The following ERBIN variants were observed in gnomAD, a reference collection of about 807,000 sequenced individuals.
The protein encoded by ERBIN is erbb2 interacting protein, also known as densin-180-like protein.
ERBIN carries 60 observed loss-of-function variants against 158.4 expected under a neutral mutation model. The observed-to-expected ratio is 0.38, with a 90% CI of 0.31 to 0.47. The LOEUF (loss-of-function observed/expected upper bound fraction) is 0.47, where lower values mean the gene tolerates loss of function less well. Ranked by LOEUF, ERBIN falls within the 20% of genes least tolerant of loss-of-function variation. The pLI is 0.99. For synonymous variants in ERBIN, 594 were observed against 557.2 expected (o/e 1.07, Z -0.93); for missense variants, 1,610 against 1,648.0 (o/e 0.98, Z 0.40).
chr5:66,029,990 A>T (rs1293137594), intron 14 of ERBIN, among the ~76,000 whole-genome samples: 1 of 152,078 alleles, frequency 6.6e-6, no homozygotes, highest in Admixed American at 6.5e-5. Context: ...CTGCTTTGCA[A>T]ATTTAGAGAG....
rs869119758 is a variant in ERBIN, at chr5:66,050,226, CTTTTTTTTTTTTTTTTTTTTT to C, written c.1904-541_1904-521del. Among the ~76,000 whole-genome samples, 4 of 9,738 alleles carry C rather than the reference CTTTTTTTTTTTTTTTTTTTTT, an allele frequency of 4.1e-4. 1 individual carries two copies. The highest frequency in any genetic ancestry group is 1.1e-3 in the Admixed American group (1 of 880). The allele number at this position is 9,738 out of a possible 152,430, so 6.4% of individuals were successfully genotyped here. A position where few individuals can be genotyped will look rare whatever the true frequency, so the allele number is the denominator to read the frequency against. On this transcript the variant is annotated intron_variant, in intron 19 of 25. Coordinates refer to ENST00000284037, the MANE Select transcript of ERBIN (RefSeq NM_001253697.2). ...ACCTTGTCAGTAACTAAATCGAATT[CTTTTTTTTTTTTTTTTTTTTT>C]TTTTTTTTTTTTTTTGAGACGGAGT...
At position 65,992,748 on chromosome 5, in the gene ERBIN, G is replaced by A. The variant is rs771404504; in HGVS notation, c.30G>A (p.Arg10=). The A allele has an allele frequency of 3.1e-6, 5 of 1,607,454 alleles. No individual in the cohort carries two copies. The highest frequency in any genetic ancestry group is 2.2e-5 in the East Asian group (1 of 44,764). The change falls in exon 3 of 26, where the codon CGG becomes CGA. Residue 10 remains arginine (R), a synonymous_variant. Coordinates refer to ENST00000284037, the MANE Select transcript of ERBIN (RefSeq NM_001253697.2). ...CTACAAAACGAAGTTTGTTTGTGCGGTTGGTACCATGTCGCTGTCTACGAG... is the reference window on the plus strand; with the variant it reads ...CTACAAAACGAAGTTTGTTTGTGCGATTGGTACCATGTCGCTGTCTACGAG... MTTKRSLFV[R]LVPCRCLRGE... is the part of the protein sequence containing the mutation.
At chr5:65,989,811 C>T (rs953615044) in intron 2 of ERBIN, among the ~76,000 whole-genome samples, 1 of 152,178 alleles carries the variant, frequency 6.6e-6, no homozygotes, top group African/African-American at 2.4e-5. Flanking sequence ...TGTCTAGTGG[C>T]TACCATACTG....
At chr5:66,067,868 C>A (rs2151289057) in intron 21 of ERBIN, among the ~76,000 whole-genome samples, 1 of 152,210 alleles carries the variant, frequency 6.6e-6, no homozygotes, top group South Asian at 2.1e-4. Flanking sequence ...CCCAGCTACT[C>A]AGGAGCCTGA....
chr5:66,077,791 C>CACACACACAT (rs1762135283), intron 25 of ERBIN, among the ~76,000 whole-genome samples: 2 of 131,044 alleles, frequency 1.5e-5, no homozygotes, highest in East Asian at 2.0e-4. Flanking sequence ...CACACACACA[C>CACACACACAT]ACATACACAC....
intron 1 of ERBIN, among the ~76,000 whole-genome samples, chr5:65,982,151 T>G (rs1750728923): frequency 6.6e-6 from 1 of 152,234 alleles, no homozygotes; most frequent in South Asian, 2.1e-4. Flanking sequence ...CTTGTGTCAG[T>G]TCTTTGAGCC....
At chr5:65,930,821 A>G (rs866299427) in intron 1 of ERBIN, among the ~76,000 whole-genome samples, 3 of 152,182 alleles carry the variant, frequency 2.0e-5, no homozygotes, top group South Asian at 2.1e-4. Context: ...CTTCTGTCCT[A>G]CCTTTCAAGT....
chr5:66,050,851 TG>T lies in ERBIN; in HGVS notation c.1973del (p.Cys658PhefsTer27). On this transcript the variant is annotated frameshift_variant, in exon 20 of 26. Transcript: ENST00000284037. LOFTEE classifies it high-confidence loss of function. The stretch of plus-strand genomic sequence containing the variant: ...CAATAGCAATCAGAATAACAGCAAT[TG>T]TTCTTCTCCATCTCGGATGTCTGAT... ...THNSNQNNSN[C>X]SSPSRMSDSV... The T allele has an allele frequency of 1.2e-6, 2 of 1,603,652 alleles. No individual in the cohort carries two copies. The highest frequency in any genetic ancestry group is 1.7e-6 in the Non-Finnish European group (2 of 1,176,342).
At position 66,078,541 on chromosome 5, in the gene ERBIN, CA is replaced by C. The variant is rs753409042; in HGVS notation, c.*18del. 11 of 1,542,052 alleles carry C rather than the reference CA, an allele frequency of 7.1e-6. No individual in the cohort carries two copies. The highest frequency in any genetic ancestry group is 5.2e-5 in the Admixed American group (3 of 57,956). On this transcript the variant is annotated 3_prime_UTR_variant, in exon 26 of 26. Coordinates refer to ENST00000284037, the MANE Select transcript of ERBIN (RefSeq NM_001253697.2). The stretch of plus-strand genomic sequence containing the variant: ...GAAGTTTCCTCATAAGCACTGTGGA[CA>C]AAAAAAGCGGGGAAGACAGCAAGAT...
intron 1 of ERBIN, among the ~76,000 whole-genome samples, chr5:65,938,934 C>T (rs1744427361): frequency 6.6e-6 from 1 of 152,136 alleles, no homozygotes; most frequent in Non-Finnish European, 1.5e-5. Flanking sequence ...TGAGAATGGC[C>T]TCTTCAACCT....
chr5:66,034,676 A>G (rs973871769), intron 14 of ERBIN, among the ~76,000 whole-genome samples: 1 of 151,602 alleles, frequency 6.6e-6, no homozygotes, highest in Non-Finnish European at 1.5e-5. Flanking sequence ...TTCAGGTAAC[A>G]TGTAGAGCCT....
chr5:65,986,047 G>A (rs1751192230), intron 1 of ERBIN, among the ~76,000 whole-genome samples: 1 of 151,814 alleles, frequency 6.6e-6, no homozygotes, highest in Non-Finnish European at 1.5e-5. Context: ...CATCTATAAT[G>A]TTTTGGGGCT....
At chr5:66,023,484 C>A in intron 9 of ERBIN, 120 bp downstream of exon 9, 1 of 555,294 alleles carries the variant, frequency 1.8e-6, no homozygotes, top group Non-Finnish European at 3.1e-6. Context: ...CTTTATTAAA[C>A]AGAAGCAAAT....
chr5:65,956,673 C>T (rs116556232), intron 1 of ERBIN, among the ~76,000 whole-genome samples: 1,694 of 151,846 alleles, frequency 0.011, 26 homozygotes, highest in African/African-American at 0.038. Flanking sequence ...AGCCACTGCT[C>T]CTGGCGGGAA....
chr5:65,963,298 C>T (rs1296918968), intron 1 of ERBIN, among the ~76,000 whole-genome samples: 2 of 152,130 alleles, frequency 1.3e-5, no homozygotes, highest in African/African-American at 4.8e-5. Flanking sequence ...ATTAAATTGG[C>T]AACTTTGAGG....
At chr5:65,934,687 C>G (rs953749370) in intron 1 of ERBIN, among the ~76,000 whole-genome samples, 5 of 152,116 alleles carry the variant, frequency 3.3e-5, no homozygotes, top group African/African-American at 1.2e-4. Context: ...GCCAGACTTG[C>G]CCTTTTTAAG....
At chr5:66,044,097 A>C (rs1439258277) in intron 16 of ERBIN, 40 bp from the exon 17 acceptor site, 13 of 1,416,580 alleles carry the variant, frequency 9.2e-6, no homozygotes, top group Non-Finnish European at 1.2e-5. Context: ...TGACATTAGA[A>C]ATATTTGTAC....
chr5:66,070,122 G>C (rs1183495518), intron 21 of ERBIN, among the ~76,000 whole-genome samples: 2 of 151,964 alleles, frequency 1.3e-5, no homozygotes, highest in Non-Finnish European at 2.9e-5. Context: ...TCAGCTCACT[G>C]CAACCTCCGC....
chr5:66,072,200 C>T lies in ERBIN; in HGVS notation c.3665C>T (p.Pro1222Leu), dbSNP rs926672927. 4 of 1,550,080 alleles carry T rather than the reference C, an allele frequency of 2.6e-6. No homozygotes were observed. In the African/African-American group the frequency reaches 5.5e-5, roughly 21 times the overall value. Reference protein sequence around the residue: ...KHPQTSSSGDPCQDGIFISGQ... With the variant: ...KHPQTSSSGDLCQDGIFISGQ... ...CCCCAGACATCCAGTTCAGGAGATC[C>T]TTGTCAAGATGGTATATTCATTTCA... is the stretch of plus-strand genomic sequence containing the variant. Residue 1222 changes from proline to leucine, a missense_variant, in exon 22 of 26, where the codon CCT (proline) becomes CTT (leucine). This residue lies in a region of ERBIN where 1,014 missense variants were observed against 936.1 expected (regional missense o/e 1.08). Coordinates refer to ENST00000284037, the MANE Select transcript of ERBIN (RefSeq NM_001253697.2).
Sources: gnomAD v4.1 joint callset for allele counts (sites outside exome capture counted in the v4.1 genomes callset) on GRCh38, gnomAD v4.1.1 for gene constraint, gnomAD v4.1.1 regional missense constraint, MANE v1.5 for transcripts, NCBI Gene and HGNC (gene_info 2026-07-23, HGNC 2026-07-21) for gene names.